The following SYNJ2 variants were observed in gnomAD, a reference collection of about 807,000 sequenced individuals.
SYNJ2 encodes polyphosphatidylinositol phosphatase SYNJ2.
Under a neutral mutation model 141.3 loss-of-function variants are expected in SYNJ2, and 116 were observed. The ratio of observed to expected loss-of-function variants is 0.82; its 90% CI spans 0.71 to 0.96. The LOEUF (loss-of-function observed/expected upper bound fraction) is 0.96. Among genes scored for constraint, SYNJ2 ranks in the 40% least tolerant of loss-of-function variants. The pLI is 0.00. For missense variants in SYNJ2, 1,873 were observed against 1,934.8 expected, an observed-to-expected ratio of 0.97 and a Z score of 0.60; for synonymous variants, 745 against 777.7, an observed-to-expected ratio of 0.96 and a Z score of 0.70.
At chr6:157,986,233 A>AGTGGTCT (rs1354780436) in intron 1 of SYNJ2, among the ~76,000 whole-genome samples, 25 of 152,346 alleles carry the variant, frequency 1.6e-4, no homozygotes, top group African/African-American at 6.0e-4. Flanking sequence ...CCGGGACCAC[A>AGTGGTCT]GTGGTCTGTC....
At chr6:158,032,620 G>A (rs911837) in intron 3 of SYNJ2, among the ~76,000 whole-genome samples, 3 of 152,184 alleles carry the variant, frequency 2.0e-5, no homozygotes, top group East Asian at 1.9e-4. Context: ...GCTCCATGAC[G>A]CCACTGGCTG....
intron 6 of SYNJ2, among the ~76,000 whole-genome samples, chr6:158,055,871 AATC>A (rs1780840091): frequency 1.3e-5 from 2 of 152,232 alleles, no homozygotes; most frequent in Non-Finnish European, 2.9e-5. Context: ...AGAGATATTT[AATC>A]AAGTATAGAC....
At chr6:158,068,839 G>T (rs1320192444) in intron 13 of SYNJ2, 111 bp downstream of exon 13, 6 of 1,169,200 alleles carry the variant, frequency 5.1e-6, no homozygotes, top group Non-Finnish European at 7.6e-6. Flanking sequence ...AGCCAGCTAA[G>T]CTGTGGCCCT....
chr6:158,050,688 CCT>C (rs1780520580), intron 5 of SYNJ2, among the ~76,000 whole-genome samples: 2 of 152,322 alleles, frequency 1.3e-5, no homozygotes, highest in South Asian at 2.1e-4. Context: ...TGCCACATTC[CCT>C]GAGTCCTCAC....
chr6:158,046,197 C>T (rs1446118080), intron 5 of SYNJ2, among the ~76,000 whole-genome samples: 3 of 152,134 alleles, frequency 2.0e-5, no homozygotes, highest in South Asian at 2.1e-4. Flanking sequence ...CTGCCCGCTT[C>T]GGCCTCCCAA....
intron 1 of SYNJ2, among the ~76,000 whole-genome samples, chr6:158,008,156 C>A (rs889047967): frequency 6.6e-6 from 1 of 152,006 alleles, no homozygotes; most frequent in African/African-American, 2.4e-5. Flanking sequence ...TTGTGGAGAG[C>A]AACATGGGGT....
rs772994865 is a variant in SYNJ2 at position 158,033,719 on chromosome 6, G to A, written c.711+39G>A. ...CCCATCTGTGGCACCAAATGGTTCCGAGTGGCTGCAGCTCTTGCACACGCG... is the reference window on the plus strand; with the variant it reads ...CCCATCTGTGGCACCAAATGGTTCCAAGTGGCTGCAGCTCTTGCACACGCG... On this transcript the variant is annotated intron_variant, in intron 4 of 26. Transcript: ENST00000355585. 26 of 1,572,778 alleles carry A rather than the reference G, an allele frequency of 1.7e-5. No individual in the cohort carries two copies. In the Middle Eastern group the frequency reaches 6.7e-4, roughly 40 times the overall value.
rs1780061279 is a variant in SYNJ2 at position 158,043,415 on chromosome 6, A to G, written c.795+16A>G. ...AGGGCTTCAGGTAGGTCATGAAAAA[A>G]CTTAAATGTCCCCTTGTGATGTTGT... On this transcript the variant is annotated intron_variant, in intron 5 of 26. Transcript: ENST00000355585. The surrounding 1 kb of genome is among the most constrained non-coding windows in gnomAD (Gnocchi z 4.0). 1 of 1,601,218 alleles carries G rather than the reference A, an allele frequency of 6.2e-7. No individual in the cohort carries two copies. The highest frequency in any genetic ancestry group is 1.3e-5 in the African/African-American group (1 of 74,604).
intron 21 of SYNJ2, 74 bp downstream of exon 21, chr6:158,083,671 T>C: frequency 1.3e-6 from 2 of 1,578,864 alleles, no homozygotes; most frequent in Middle Eastern, 1.7e-4. Flanking sequence ...GGACACCTTC[T>C]AAAGCCTCCC....
intron 7 of SYNJ2, 64 bp downstream of exon 7, chr6:158,059,417 G>A: frequency 1.3e-6 from 2 of 1,540,164 alleles, no homozygotes; most frequent in South Asian, 2.4e-5. Flanking sequence ...GGAGCGTTGA[G>A]CCTGGAGGTG....
chr6:157,986,186 T>C (rs1347167642), intron 1 of SYNJ2, among the ~76,000 whole-genome samples: 1 of 151,978 alleles, frequency 6.6e-6, no homozygotes, highest in Non-Finnish European at 1.5e-5. Context: ...CAGGCAAGGG[T>C]TCCGGGGCCC....
At chr6:158,045,814 G>T (rs1227612045) in intron 5 of SYNJ2, among the ~76,000 whole-genome samples, 1 of 152,222 alleles carries the variant, frequency 6.6e-6, no homozygotes, top group South Asian at 2.1e-4. Flanking sequence ...TGGGATGACT[G>T]TGCCTTGGTC....
intron 2 of SYNJ2, 109 bp downstream of exon 2, chr6:158,017,399 TC>T: frequency 2.4e-6 from 2 of 832,954 alleles, no homozygotes; most frequent in Non-Finnish European, 1.7e-6. Context: ...CTCTTCTCTC[TC>T]TCTTCTTTTT....
chr6:158,013,125 T>C (rs1174045485), intron 1 of SYNJ2, among the ~76,000 whole-genome samples: 5 of 152,340 alleles, frequency 3.3e-5, no homozygotes, highest in Non-Finnish European at 7.3e-5. Context: ...CTCATGCCTG[T>C]AATCTCAGCA....
chr6:158,080,770 G>C (rs1279119335), intron 18 of SYNJ2, among the ~76,000 whole-genome samples: 1 of 152,170 alleles, frequency 6.6e-6, no homozygotes, highest in Non-Finnish European at 1.5e-5. Context: ...TTTGCTGATG[G>C]CTGGTTATTT....
At chr6:158,037,828 G>A (rs1205668778) in intron 4 of SYNJ2, among the ~76,000 whole-genome samples, 3 of 152,254 alleles carry the variant, frequency 2.0e-5, no homozygotes. Context: ...GGCCGCGGAT[G>A]CTGGCTCCTG....
At chr6:158,010,884 G>A (rs1230386718) in intron 1 of SYNJ2, among the ~76,000 whole-genome samples, 3 of 147,736 alleles carry the variant, frequency 2.0e-5, no homozygotes, top group Non-Finnish European at 3.0e-5. Flanking sequence ...TCGTGACAAC[G>A]GGGGAATGCC....
rs114224596 is a variant in SYNJ2, at chr6:158,050,439, C to T, written c.796-4528C>T. 2.9e-3 allele frequency among the ~76,000 whole-genome samples: 446 copies of T among 152,340 alleles called. 2 individuals are homozygous for T. Among genetic ancestry groups the T allele is most frequent in the African/African-American group, 0.01 (423 of 41,576 alleles). ...GTCATTCACCCGGGGGTGGTGCTCC[C>T]GACTGACTTCTTAGTTCTCTGAGGT... is the stretch of plus-strand genomic sequence containing the variant. On this transcript the variant is annotated intron_variant, in intron 5 of 26. Coordinates refer to ENST00000355585, the MANE Select transcript of SYNJ2 (RefSeq NM_003898.4).
chr6:158,026,287 G>A (rs1314332739), intron 2 of SYNJ2, among the ~76,000 whole-genome samples: 1 of 152,198 alleles, frequency 6.6e-6, no homozygotes, highest in Non-Finnish European at 1.5e-5. Flanking sequence ...TGAGAAACTT[G>A]CCCAGGCACT....
Sources: allele counts gnomAD v4.1 joint callset (sites outside exome capture counted in the v4.1 genomes callset), GRCh38; gene constraint gnomAD v4.1.1; non-coding constraint Gnocchi (gnomAD v3.1); transcripts MANE v1.5; gene names NCBI Gene and HGNC (gene_info 2026-07-23, HGNC 2026-07-21).